The following ERC2 variants were observed in gnomAD, a reference collection of about 807,000 sequenced individuals.
ERC2 encodes the protein ERC protein 2.
Under a neutral mutation model 114.8 loss-of-function variants are expected in ERC2, and 42 were observed. That is an observed-to-expected ratio of 0.37 (90% CI 0.29 to 0.47). The LOEUF (loss-of-function observed/expected upper bound fraction) is 0.47. Among genes scored for constraint, ERC2 ranks in the 20% least tolerant of loss-of-function variants. The pLI is 0.99. For missense variants in ERC2, 939 were observed against 1,150.7 expected, an observed-to-expected ratio of 0.82 and a Z score of 2.66; for synonymous variants, 454 against 425.5, an observed-to-expected ratio of 1.07 and a Z score of -0.82.
intron 2 of ERC2, among the ~76,000 whole-genome samples, chr3:56,318,018 C>T (rs2056950492): frequency 6.6e-6 from 1 of 152,212 alleles, no homozygotes; most frequent in African/African-American, 2.4e-5. Context: ...GTCTCTCTTT[C>T]TCTGTTTCTC....
chr3:56,213,125 G>A (rs2049185353), intron 3 of ERC2, among the ~76,000 whole-genome samples: 1 of 152,152 alleles, frequency 6.6e-6, no homozygotes, highest in Non-Finnish European at 1.5e-5. Flanking sequence ...ATTTCCAACT[G>A]AGGTACCGGG....
chr3:55,630,359 G>A (rs576337678), intron 17 of ERC2, among the ~76,000 whole-genome samples: 1 of 152,214 alleles, frequency 6.6e-6, no homozygotes, highest in East Asian at 1.9e-4. Flanking sequence ...AGTAGAGACG[G>A]GGTTTCTCCA....
intron 17 of ERC2, among the ~76,000 whole-genome samples, chr3:55,634,661 C>T (rs914717703): frequency 3.9e-5 from 6 of 152,164 alleles, no homozygotes; most frequent in Admixed American, 1.3e-4. Flanking sequence ...GTGGTCCATT[C>T]GGCTAAGATG....
chr3:55,790,366 C>T (rs1185189593), intron 14 of ERC2, among the ~76,000 whole-genome samples: 1 of 152,164 alleles, frequency 6.6e-6, no homozygotes, highest in Non-Finnish European at 1.5e-5. Flanking sequence ...TAGCCCCCCA[C>T]AATACAGTAA....
intron 14 of ERC2, among the ~76,000 whole-genome samples, chr3:55,873,799 T>C (rs2062699443): frequency 6.6e-6 from 1 of 151,880 alleles, no homozygotes; most frequent in South Asian, 2.1e-4. Context: ...CTTCACCTAA[T>C]GTAGCTCCCA....
chr3:56,116,866 T>G (rs2079268656), intron 6 of ERC2, among the ~76,000 whole-genome samples: 1 of 152,228 alleles, frequency 6.6e-6, no homozygotes, highest in African/African-American at 2.4e-5. Flanking sequence ...TGTTTATTTC[T>G]ATTATAAAAA....
At chr3:56,108,419 C>T (rs560227392) in intron 6 of ERC2, among the ~76,000 whole-genome samples, 226 of 151,918 alleles carry the variant, frequency 1.5e-3, no homozygotes, top group African/African-American at 5.3e-3. Flanking sequence ...ATATTATTTG[C>T]CTTAACATAT....
chr3:55,701,543 A>C (rs932334890), intron 15 of ERC2, among the ~76,000 whole-genome samples: 1 of 152,204 alleles, frequency 6.6e-6, no homozygotes, highest in Non-Finnish European at 1.5e-5. Context: ...CCCAAAGTGA[A>C]TGTTAAAAAA....
At chr3:56,448,099 G>C (rs1037476419) in intron 1 of ERC2, among the ~76,000 whole-genome samples, 5 of 152,116 alleles carry the variant, frequency 3.3e-5, no homozygotes, top group African/African-American at 1.2e-4. Flanking sequence ...TCTAGACCAA[G>C]ACTTAGAACA....
At chr3:55,747,995 T>C (rs1382011692) in intron 14 of ERC2, among the ~76,000 whole-genome samples, 2 of 152,178 alleles carry the variant, frequency 1.3e-5, no homozygotes, top group East Asian at 3.8e-4. Flanking sequence ...TCCCAGAGTT[T>C]GAAGGAACCT....
intron 14 of ERC2, among the ~76,000 whole-genome samples, chr3:55,811,794 C>T (rs114480764): frequency 0.032 from 4,826 of 152,256 alleles, 119 homozygotes; most frequent in Middle Eastern, 0.065. Flanking sequence ...TCTATTCTCA[C>T]CCTAGGCATA....
At chr3:56,150,727 A>G (rs1390693872) in intron 4 of ERC2, among the ~76,000 whole-genome samples, 2 of 152,154 alleles carry the variant, frequency 1.3e-5, no homozygotes, top group Non-Finnish European at 2.9e-5. Flanking sequence ...GTATTTTTCT[A>G]TTTAGATGCC....
intron 15 of ERC2, among the ~76,000 whole-genome samples, chr3:55,711,372 C>A (rs544550033): frequency 1.3e-5 from 2 of 152,264 alleles, no homozygotes; most frequent in East Asian, 3.9e-4. Context: ...AATATTTATT[C>A]CCGCTGTTAA....
rs773151008 is a variant in ERC2 at position 56,105,095 on chromosome 3, G to GA, written c.1474-24112dup. Reference sequence around the variant, plus strand: ...CCAGGTAGAGGGAAGAGCCAGCACAGAAAAAAAAAACAAAGATGGGCAGAT... The same window carrying GA: ...CCAGGTAGAGGGAAGAGCCAGCACAGAAAAAAAAAAACAAAGATGGGCAGAT... On this transcript the variant is annotated intron_variant, in intron 6 of 17. Coordinates refer to ENST00000288221, the MANE Select transcript of ERC2 (RefSeq NM_015576.3). Among the ~76,000 whole-genome samples, 427 of 146,682 alleles carry GA rather than the reference G, an allele frequency of 2.9e-3. 11 individuals carry two copies. The East Asian group carries it at 0.054, about 18-fold the overall frequency.
intron 2 of ERC2, among the ~76,000 whole-genome samples, chr3:56,348,523 A>G (rs1187462372): frequency 2.0e-5 from 3 of 148,286 alleles, no homozygotes; most frequent in Non-Finnish European, 4.5e-5. Flanking sequence ...TATATATACT[A>G]CAATATTTAA....
chr3:55,962,796 CTA>C (rs2068478384), intron 12 of ERC2, among the ~76,000 whole-genome samples: 1 of 152,336 alleles, frequency 6.6e-6, no homozygotes, highest in Non-Finnish European at 1.5e-5. Flanking sequence ...CTCTTAACCT[CTA>C]TGCTATGCCA....
intron 2 of ERC2, among the ~76,000 whole-genome samples, chr3:56,420,027 T>C (rs2061326844): frequency 6.6e-6 from 1 of 152,208 alleles, no homozygotes; most frequent in African/African-American, 2.4e-5. Flanking sequence ...CTATTGGTCT[T>C]AGGATTCCTT....
At chr3:56,278,477 A>C (rs1314666364) in intron 3 of ERC2, among the ~76,000 whole-genome samples, 1 of 152,232 alleles carries the variant, frequency 6.6e-6, no homozygotes, top group East Asian at 1.9e-4. Context: ...ACTAAATGTA[A>C]CATAGGATCC....
At chr3:56,109,427 G>A (rs985239617) in intron 6 of ERC2, among the ~76,000 whole-genome samples, 4 of 152,086 alleles carry the variant, frequency 2.6e-5, no homozygotes, top group Admixed American at 2.6e-4. Context: ...TGTTACTGAT[G>A]GGCATTTAGG....
Sources: allele counts gnomAD v4.1 joint callset (sites outside exome capture counted in the v4.1 genomes callset), GRCh38; gene constraint gnomAD v4.1.1; transcripts MANE v1.5; gene names NCBI Gene and HGNC (gene_info 2026-07-23, HGNC 2026-07-21).